Variants in CCSER1 observed in about 807,000 individuals in gnomAD.
CCSER1 encodes serine-rich coiled-coil domain-containing protein 1.
A neutral mutation model predicts 82.0 loss-of-function variants in CCSER1; 41 were observed. That is an observed-to-expected ratio of 0.50 (90% CI 0.39 to 0.65). CCSER1 has a LOEUF of 0.65. Ranked by LOEUF, CCSER1 falls within the 30% of genes least tolerant of loss-of-function variation. The probability of loss-of-function intolerance (pLI) is 0.00; values close to 1 mark genes in which losing one functional copy is unlikely to be tolerated. For synonymous variants in CCSER1, 414 were observed against 383.9 expected (o/e 1.08, Z -0.92); for missense variants, 1,119 against 1,064.2 (o/e 1.05, Z -0.72).
At chr4:90,722,943 A>C (rs1385989060) in intron 6 of CCSER1, among the ~76,000 whole-genome samples, 1 of 151,946 alleles carries the variant, frequency 6.6e-6, no homozygotes, top group African/African-American at 2.4e-5. Flanking sequence ...AACTTAAGTG[A>C]GTCAAACTTG....
intron 4 of CCSER1, among the ~76,000 whole-genome samples, chr4:90,401,646 A>G (rs747226647): frequency 1.3e-5 from 2 of 152,150 alleles, no homozygotes; most frequent in Admixed American, 6.5e-5. Context: ...TAAATCTCCC[A>G]TCTCAGCCTC....
chr4:90,175,702 T>TA (rs1372909821), intron 1 of CCSER1, among the ~76,000 whole-genome samples: 1 of 152,036 alleles, frequency 6.6e-6, no homozygotes, highest in Non-Finnish European at 1.5e-5. Flanking sequence ...CCTGTATATG[T>TA]AAAATCTTAT....
chr4:90,648,284 G>GGAAAGAAAGAAAGAAAGGAAAGAAA (rs1553969687), intron 6 of CCSER1, among the ~76,000 whole-genome samples: 4,246 of 89,180 alleles, frequency 0.048, 125 homozygotes, highest in Middle Eastern at 0.072. Flanking sequence ...GAGAAAGAAA[G>GGAAAGAAAGAAAGAAAGGAAAGAAA]GAAAGAAAGA....
At chr4:90,602,338 G>A (rs1233438215) in intron 5 of CCSER1, among the ~76,000 whole-genome samples, 2 of 151,870 alleles carry the variant, frequency 1.3e-5, no homozygotes, top group Non-Finnish European at 2.9e-5. Context: ...CTCTTTTTAT[G>A]TAGTTAATGT....
intron 10 of CCSER1, among the ~76,000 whole-genome samples, chr4:91,188,640 C>T (rs1734762000): frequency 6.6e-6 from 1 of 152,126 alleles, no homozygotes; most frequent in Non-Finnish European, 1.5e-5. Flanking sequence ...AGGTCTCAGT[C>T]ATGTTCGCTG....
At chr4:90,216,106 C>T (rs775472477) in intron 1 of CCSER1, among the ~76,000 whole-genome samples, 1 of 152,124 alleles carries the variant, frequency 6.6e-6, no homozygotes, top group East Asian at 1.9e-4. Context: ...ATAACACAGA[C>T]CCTTGCTACT....
At chr4:91,166,356 G>A (rs910872112) in intron 10 of CCSER1, among the ~76,000 whole-genome samples, 2 of 151,850 alleles carry the variant, frequency 1.3e-5, no homozygotes, top group Non-Finnish European at 2.9e-5. Flanking sequence ...CTATATACTG[G>A]TGATTAAAAA....
chr4:91,092,232 CT>C (rs1199225714), intron 10 of CCSER1, among the ~76,000 whole-genome samples: 2 of 152,150 alleles, frequency 1.3e-5, no homozygotes, highest in African/African-American at 2.4e-5. Context: ...CTTTGCTGTC[CT>C]CTGTACTAAG....
intron 8 of CCSER1, among the ~76,000 whole-genome samples, chr4:90,879,924 C>T (rs756711596): frequency 6.6e-6 from 1 of 152,090 alleles, no homozygotes; most frequent in Non-Finnish European, 1.5e-5. Context: ...TTCACCAGGC[C>T]GAGGCTTTGT....
chr4:90,427,046 T>C (rs1390573749), intron 4 of CCSER1, among the ~76,000 whole-genome samples: 1 of 152,082 alleles, frequency 6.6e-6, no homozygotes, highest in African/African-American at 2.4e-5. Flanking sequence ...TAAATACTTA[T>C]CAAAGACAGC....
chr4:90,719,093 C>T (rs554886416), intron 6 of CCSER1, among the ~76,000 whole-genome samples: 90 of 152,194 alleles, frequency 5.9e-4, no homozygotes, highest in African/African-American at 2.2e-3. Context: ...AGCCACACTG[C>T]AGGAGGTGAG....
At chr4:90,499,861 T>G (rs1392143202) in intron 5 of CCSER1, among the ~76,000 whole-genome samples, 2 of 152,192 alleles carry the variant, frequency 1.3e-5, no homozygotes, top group Non-Finnish European at 2.9e-5. Flanking sequence ...TGTTTCTCCT[T>G]TGGGGTTAAT....
chr4:90,748,297 T>C (rs1300466034), intron 7 of CCSER1, among the ~76,000 whole-genome samples: 7 of 150,880 alleles, frequency 4.6e-5, no homozygotes, highest in Non-Finnish European at 1.0e-4. Context: ...TTGGGTTTTT[T>C]GTTCTTGCAA....
At chr4:91,107,308 G>A (rs527412907) in intron 10 of CCSER1, among the ~76,000 whole-genome samples, 1 of 152,292 alleles carries the variant, frequency 6.6e-6, no homozygotes, top group South Asian at 2.1e-4. Flanking sequence ...AGGCTGGAGT[G>A]CAGTGGCGTG....
Position 90,586,911 on chromosome 4 carries a change from A to T in CCSER1, c.1725-41114A>T, listed in dbSNP as rs79645375. On this transcript the variant is annotated intron_variant, in intron 5 of 10. Transcript: ENST00000509176. The stretch of plus-strand genomic sequence containing the variant: ...GTGAATATGTTACCATCCATGGCAA[A>T]AGAGATTTTGCAGATGCGATTAATT... Among the ~76,000 whole-genome samples the T allele has an allele frequency of 7.6e-4, 116 of 152,296 alleles. 1 individual carries two copies. In the East Asian group the frequency reaches 0.014, roughly 19 times the overall value.
chr4:91,491,573 A>G (rs1333174357), intron 10 of CCSER1, among the ~76,000 whole-genome samples: 1 of 152,144 alleles, frequency 6.6e-6, no homozygotes, highest in Non-Finnish European at 1.5e-5. Context: ...AGGTAAAACT[A>G]TACCATATTA....
At chr4:91,421,952 G>A (rs1421570250) in intron 10 of CCSER1, among the ~76,000 whole-genome samples, 4 of 152,052 alleles carry the variant, frequency 2.6e-5, no homozygotes, top group Non-Finnish European at 5.9e-5. Flanking sequence ...ATGCAGGCAA[G>A]CTTTAGAAGC....
chr4:91,544,909 G>C (rs542226341), intron 10 of CCSER1, among the ~76,000 whole-genome samples: 1 of 152,294 alleles, frequency 6.6e-6, no homozygotes, highest in South Asian at 2.1e-4. Flanking sequence ...CCCAGAGTTG[G>C]AGTCTACAGA....
intron 1 of CCSER1, among the ~76,000 whole-genome samples, chr4:90,189,671 G>A (rs1451568268): frequency 6.6e-6 from 1 of 151,508 alleles, no homozygotes; most frequent in Non-Finnish European, 1.5e-5. Flanking sequence ...ACCTTTCTCT[G>A]TGTATTTGCC....
Sources: allele counts gnomAD v4.1 joint callset (sites outside exome capture counted in the v4.1 genomes callset), GRCh38; gene constraint gnomAD v4.1.1; transcripts MANE v1.5; gene names NCBI Gene and HGNC (gene_info 2026-07-23, HGNC 2026-07-21).